The following VSNL1 variants were observed in gnomAD, a reference collection of about 807,000 sequenced individuals.
VSNL1 encodes the protein visinin like 1.
Under a neutral mutation model 20.4 loss-of-function variants are expected in VSNL1, and 6 were observed. That is an observed-to-expected ratio of 0.29 (90% CI 0.16 to 0.58). The LOEUF (loss-of-function observed/expected upper bound fraction) is 0.58, where lower values mean the gene tolerates loss of function less well. Ranked by LOEUF, VSNL1 falls within the 20% of genes least tolerant of loss-of-function variation. The pLI is 0.90. For synonymous variants in VSNL1, 93 were observed against 86.4 expected, an observed-to-expected ratio of 1.08 and a Z score of -0.42; for missense variants, 100 against 234.5, an observed-to-expected ratio of 0.43 and a Z score of 3.75.
intron 3 of VSNL1, among the ~76,000 whole-genome samples, chr2:17,654,080 C>T (rs982453956): frequency 2.0e-5 from 3 of 152,072 alleles, no homozygotes; most frequent in East Asian, 1.9e-4. Context: ...ATTTTTTTAC[C>T]GTATAGCTGT....
intron 2 of VSNL1, among the ~76,000 whole-genome samples, chr2:17,621,543 C>A (rs1256575117): frequency 1.3e-5 from 2 of 152,118 alleles, no homozygotes; most frequent in Non-Finnish European, 2.9e-5. Flanking sequence ...AGGCTGGTCT[C>A]GAACTCCTGA....
chr2:17,566,323 A>C (rs1663941288), intron 1 of VSNL1, among the ~76,000 whole-genome samples: 1 of 152,142 alleles, frequency 6.6e-6, no homozygotes, highest in South Asian at 2.1e-4. Flanking sequence ...AATACTGCCA[A>C]ATTGTTCTCT....
intron 2 of VSNL1, among the ~76,000 whole-genome samples, chr2:17,624,432 T>G (rs899218483): frequency 6.6e-6 from 1 of 152,214 alleles, no homozygotes; most frequent in Non-Finnish European, 1.5e-5. Context: ...GTGAAAATAT[T>G]ATGTTACATG....
At chr2:17,630,441 A>G (rs1438176479) in intron 2 of VSNL1, among the ~76,000 whole-genome samples, 1 of 152,264 alleles carries the variant, frequency 6.6e-6, no homozygotes, top group Non-Finnish European at 1.5e-5. Flanking sequence ...TTGTTCTTGA[A>G]TAGGAAGACT....
chr2:17,588,139 A>G (rs1291769731), intron 1 of VSNL1, among the ~76,000 whole-genome samples: 12 of 152,300 alleles, frequency 7.9e-5, no homozygotes, highest in Admixed American at 1.3e-4. Flanking sequence ...TTGAAATCCC[A>G]GCTTAAAAGT....
At chr2:17,597,150 G>A (rs928442191) in intron 2 of VSNL1, among the ~76,000 whole-genome samples, 1 of 152,198 alleles carries the variant, frequency 6.6e-6, no homozygotes. Flanking sequence ...GGTCATGGCA[G>A]GACATACTAT....
chr2:17,564,695 TA>T (rs1286879758), intron 1 of VSNL1, among the ~76,000 whole-genome samples: 1 of 152,230 alleles, frequency 6.6e-6, no homozygotes, highest in Non-Finnish European at 1.5e-5. Flanking sequence ...TTTATAAAAT[TA>T]TTTTTTAAAA....
At chr2:17,566,894 T>C (rs1337868157) in intron 1 of VSNL1, among the ~76,000 whole-genome samples, 1 of 152,218 alleles carries the variant, frequency 6.6e-6, no homozygotes, top group African/African-American at 2.4e-5. Flanking sequence ...TTCTCTGTTG[T>C]TGTATTAGGC....
chr2:17,629,859 G>A (rs62133590), intron 2 of VSNL1, among the ~76,000 whole-genome samples: 8,160 of 152,318 alleles, frequency 0.054, 258 homozygotes, highest in East Asian at 0.092. Context: ...GAGGGGACAC[G>A]GTGGGGTGGT....
At chr2:17,572,969 C>A (rs190479678) in intron 1 of VSNL1, among the ~76,000 whole-genome samples, 88 of 152,320 alleles carry the variant, frequency 5.8e-4, no homozygotes, top group African/African-American at 2.1e-3. Context: ...ATTCATTCAT[C>A]TATTCAACTG....
chr2:17,554,172 C>T (rs906985149), intron 1 of VSNL1, among the ~76,000 whole-genome samples: 1 of 152,222 alleles, frequency 6.6e-6, no homozygotes, highest in Admixed American at 6.5e-5. Flanking sequence ...TGAGAATCAC[C>T]TCCTCAAATG....
At chr2:17,587,006 C>G (rs551594749) in intron 1 of VSNL1, among the ~76,000 whole-genome samples, 51 of 152,338 alleles carry the variant, frequency 3.3e-4, no homozygotes, top group South Asian at 2.1e-3. Context: ...TAATCTGTCA[C>G]TGACCAGCCC....
At chr2:17,588,750 C>T (rs1290558010) in intron 1 of VSNL1, among the ~76,000 whole-genome samples, 2 of 152,166 alleles carry the variant, frequency 1.3e-5, no homozygotes, top group Admixed American at 1.3e-4. Flanking sequence ...TGAATATTTT[C>T]CATGCAGTTA....
At chr2:17,597,663 TC>T (rs1301699346) in intron 2 of VSNL1, among the ~76,000 whole-genome samples, 1 of 152,252 alleles carries the variant, frequency 6.6e-6, no homozygotes, top group Non-Finnish European at 1.5e-5. Flanking sequence ...CTGAGGAGTT[TC>T]TGTATTTTGC....
At chr2:17,563,601 G>A (rs569520487) in intron 1 of VSNL1, among the ~76,000 whole-genome samples, 3 of 152,004 alleles carry the variant, frequency 2.0e-5, no homozygotes, top group Middle Eastern at 3.2e-3. Context: ...GTGGTGGCAC[G>A]CACCTGTAGT....
In VSNL1 at chr2:17,592,089, T is replaced by C. The variant is rs1348775602; in HGVS notation, c.15T>C (p.Asn5=). 1 of 1,613,710 alleles carries C rather than the reference T, an allele frequency of 6.2e-7. No individual in the cohort carries two copies. The highest frequency in any genetic ancestry group is 1.3e-5 in the African/African-American group (1 of 74,998). The change falls in exon 2 of 4, where the codon AAT becomes AAC. Residue 5 remains asparagine (N), a synonymous_variant. Coordinates refer to ENST00000295156, the MANE Select transcript of VSNL1 (RefSeq NM_003385.5). MGKQ[N]SKLAPEVMED... ...CTTCAGGCAGGATGGGGAAGCAGAA[T>C]AGCAAACTGGCCCCTGAAGTGATGG...
chr2:17,598,041 G>A (rs1012825980), intron 2 of VSNL1, among the ~76,000 whole-genome samples: 2 of 152,182 alleles, frequency 1.3e-5, no homozygotes, highest in Middle Eastern at 6.8e-3. Context: ...GTTATTATAG[G>A]ACCAGCACCT....
At position 17,569,294 on chromosome 2, in the gene VSNL1, G is replaced by A. The variant is rs148784715; in HGVS notation, c.-5-22776G>A. 3.1e-3 allele frequency among the ~76,000 whole-genome samples: 462 copies of A among 150,034 alleles called. 8 individuals carry two copies. Among genetic ancestry groups the A allele is most frequent in the Admixed American group, 0.023 (345 of 15,024 alleles). On this transcript the variant is annotated intron_variant, in intron 1 of 3. Coordinates refer to ENST00000295156, the MANE Select transcript of VSNL1 (RefSeq NM_003385.5). ...TGTACTCCAGCCTGGGCAACAGAGC[G>A]AGACCCTGTCTCAAAAAAAAAATAA... is the stretch of plus-strand genomic sequence containing the variant.
intron 1 of VSNL1, among the ~76,000 whole-genome samples, chr2:17,571,677 G>A (rs1664088468): frequency 6.6e-6 from 1 of 152,184 alleles, no homozygotes; most frequent in South Asian, 2.1e-4. Flanking sequence ...CCCTCTTGGA[G>A]CTTACATTCT....
Sources: allele counts gnomAD v4.1 joint callset (sites outside exome capture counted in the v4.1 genomes callset), GRCh38; gene constraint gnomAD v4.1.1; transcripts MANE v1.5; gene names NCBI Gene and HGNC (gene_info 2026-07-23, HGNC 2026-07-21).